The following FAM117B variants were observed in gnomAD, a reference collection of about 807,000 sequenced individuals.
FAM117B encodes the protein family with sequence similarity 117 member B, also known as protein FAM117B.
A neutral mutation model predicts 52.8 loss-of-function variants in FAM117B; 22 were observed. The ratio of observed to expected loss-of-function variants is 0.42; its 90% CI spans 0.30 to 0.59. The LOEUF (loss-of-function observed/expected upper bound fraction) is 0.59. Ranked by LOEUF, FAM117B falls within the 20% of genes least tolerant of loss-of-function variation. The pLI, the probability that FAM117B is intolerant of heterozygous loss-of-function variation, is 0.22. For missense variants in FAM117B, 678 were observed against 802.6 expected (o/e 0.84, Z 1.88); for synonymous variants, 309 against 324.1 (o/e 0.95, Z 0.50).
chr2:202,661,977 C>CAAAGG (rs1227408825), intron 1 of FAM117B, among the ~76,000 whole-genome samples: 2 of 150,368 alleles, frequency 1.3e-5, no homozygotes, highest in East Asian at 3.9e-4. Flanking sequence ...GGTAAGTATC[C>CAAAGG]AAAGGAAATG....
intron 5 of FAM117B, among the ~76,000 whole-genome samples, chr2:202,756,859 T>A (rs1015720851): frequency 6.6e-6 from 1 of 152,206 alleles, no homozygotes; most frequent in Non-Finnish European, 1.5e-5. Flanking sequence ...GAATAACCTT[T>A]TTCCTCTAAT....
intron 5 of FAM117B, among the ~76,000 whole-genome samples, chr2:202,756,638 C>T (rs1286813097): frequency 6.6e-6 from 1 of 152,070 alleles, no homozygotes; most frequent in Non-Finnish European, 1.5e-5. Context: ...TGATGGGGTA[C>T]AGATTCCCTG....
At chr2:202,723,396 G>A (rs929273214) in intron 2 of FAM117B, among the ~76,000 whole-genome samples, 1 of 152,048 alleles carries the variant, frequency 6.6e-6, no homozygotes, top group African/African-American at 2.4e-5. Context: ...TACACTAAGG[G>A]TCTTTTTCCC....
intron 4 of FAM117B, among the ~76,000 whole-genome samples, chr2:202,748,309 A>T (rs2105796445): frequency 6.6e-6 from 1 of 152,266 alleles, no homozygotes; most frequent in South Asian, 2.1e-4. Context: ...TAAAGGTAAG[A>T]CCCAAAACTA....
chr2:202,645,381 C>CG (rs1362866353), intron 1 of FAM117B, among the ~76,000 whole-genome samples: 2 of 150,946 alleles, frequency 1.3e-5, no homozygotes, highest in Non-Finnish European at 3.0e-5. Flanking sequence ...CTCCGCCCCC[C>CG]GGGGTTCACG....
chr2:202,742,994 C>T (rs1030651043), intron 4 of FAM117B, among the ~76,000 whole-genome samples: 1 of 152,188 alleles, frequency 6.6e-6, no homozygotes, highest in African/African-American at 2.4e-5. Flanking sequence ...ACTGCTACTG[C>T]ACTGCCAACA....
chr2:202,740,103 G>A (rs1445397308), intron 4 of FAM117B, among the ~76,000 whole-genome samples: 1 of 141,038 alleles, frequency 7.1e-6, no homozygotes, highest in African/African-American at 2.6e-5. Context: ...CACCCAGGAG[G>A]TGGAGCTTGC....
intron 4 of FAM117B, among the ~76,000 whole-genome samples, chr2:202,740,868 A>G (rs1042985652): frequency 6.6e-6 from 1 of 152,316 alleles, no homozygotes; most frequent in East Asian, 1.9e-4. Flanking sequence ...TGATACAAAA[A>G]AAAAGCCCTT....
intron 1 of FAM117B, among the ~76,000 whole-genome samples, chr2:202,692,160 G>T (rs1005909935): frequency 6.6e-6 from 1 of 152,078 alleles, no homozygotes; most frequent in Non-Finnish European, 1.5e-5. Flanking sequence ...ATATAGAGAG[G>T]TGTCAAGAGG....
chr2:202,666,412 A>G (rs1690205584), intron 1 of FAM117B, among the ~76,000 whole-genome samples: 2 of 152,066 alleles, frequency 1.3e-5, no homozygotes, highest in Admixed American at 6.6e-5. Flanking sequence ...ACGCACACAC[A>G]TATGTACCAT....
intron 4 of FAM117B, among the ~76,000 whole-genome samples, chr2:202,737,147 C>T (rs1691452617): frequency 6.6e-6 from 1 of 151,856 alleles, no homozygotes; most frequent in Admixed American, 6.6e-5. Flanking sequence ...TTAAGGTATA[C>T]CTAAGTCATA....
intron 1 of FAM117B, among the ~76,000 whole-genome samples, chr2:202,683,710 C>T (rs1269261610): frequency 6.6e-6 from 1 of 152,032 alleles, no homozygotes; most frequent in African/African-American, 2.4e-5. Context: ...TGGCATCAGT[C>T]GTGAATTGTG....
rs1014232029 is a variant in FAM117B at position 202,766,861 on chromosome 2, G to T, written c.*1097G>T. On this transcript the variant is annotated 3_prime_UTR_variant, in exon 8 of 8. Transcript: ENST00000392238. ...TTTGGTTGGGCTAGTAGTTTGCCAG[G>T]AGTGTAATCCAGTGGATAGTGATCC... 2.0e-5 allele frequency: 3 copies of T among 152,378 alleles called. No homozygotes were observed. Among genetic ancestry groups the T allele is most frequent in the Non-Finnish European group, 4.4e-5 (3 of 68,050 alleles). The allele number at this position is 152,378 out of a possible 1,614,324, so 9.4% of individuals were successfully genotyped here. A position where few individuals can be genotyped will look rare whatever the true frequency, so the allele number is the denominator to read the frequency against.
chr2:202,719,295 T>C (rs1234304951), intron 2 of FAM117B, among the ~76,000 whole-genome samples: 1 of 152,226 alleles, frequency 6.6e-6, no homozygotes, highest in African/African-American at 2.4e-5. Flanking sequence ...TAATTAATAG[T>C]GTTACTCTCA....
chr2:202,707,659 A>G (rs1690893127), intron 2 of FAM117B, among the ~76,000 whole-genome samples: 1 of 151,902 alleles, frequency 6.6e-6, no homozygotes, highest in South Asian at 2.1e-4. Context: ...GTGAGCTGAG[A>G]TCGTGCTACT....
At position 202,757,296 on chromosome 2, in the gene FAM117B, G is replaced by T; in HGVS notation, c.1188G>T (p.Thr396=). 1.2e-6 allele frequency: 2 copies of T among 1,614,092 alleles called. No individual in the cohort carries two copies. Among genetic ancestry groups the T allele is most frequent in the Non-Finnish European group, 1.7e-6 (2 of 1,180,030 alleles). Reference sequence around the variant, plus strand: ...GCACGCGCAGCATTGACACACAGACGCCTGGTGGGGCAGACAGGGGAAGCA... The same window carrying T: ...GCACGCGCAGCATTGACACACAGACTCCTGGTGGGGCAGACAGGGGAAGCA... ...SSSTRSIDTQ[T]PGGADRGSNN... The change falls in exon 6 of 8, where the codon ACG becomes ACT. Residue 396 remains threonine, a synonymous_variant. Transcript: ENST00000392238.
rs533734315 is a variant in FAM117B, at chr2:202,704,946, C to T, written c.753+8914C>T. On this transcript the variant is annotated intron_variant, in intron 2 of 7. Transcript: ENST00000392238. ...GTATTACTCTCAGGCCTTTCCACCT[C>T]CTAGGGGAAGATTGGAAATGGGAGA... Among the ~76,000 whole-genome samples, 4 of 152,024 alleles carry T rather than the reference C, an allele frequency of 2.6e-5. No homozygotes were observed. The South Asian group carries it at 8.3e-4, about 32-fold the overall frequency.
At chr2:202,713,079 TTCAGAATAG>T (rs1191083333) in intron 2 of FAM117B, among the ~76,000 whole-genome samples, 1 of 152,226 alleles carries the variant, frequency 6.6e-6, no homozygotes, top group African/African-American at 2.4e-5. Context: ...TCCTCTGTTT[TTCAGAATAG>T]TTTTAGTAGG....
chr2:202,720,863 T>C (rs77510525), intron 2 of FAM117B, among the ~76,000 whole-genome samples: 3,329 of 152,328 alleles, frequency 0.022, 142 homozygotes, highest in African/African-American at 0.077. Flanking sequence ...TGTTCTTTAG[T>C]AGCTTTTACC....
Sources: allele counts gnomAD v4.1 joint callset (sites outside exome capture counted in the v4.1 genomes callset), GRCh38; gene constraint gnomAD v4.1.1; transcripts MANE v1.5; gene names NCBI Gene and HGNC (gene_info 2026-07-23, HGNC 2026-07-21).